Variants in ULK1 observed in about 807,000 individuals in gnomAD.
The protein encoded by ULK1 is unc-51 like autophagy activating kinase 1, also known as serine/threonine-protein kinase ULK1.
In ULK1, 48 loss-of-function variants were observed where a neutral mutation model predicts 117.5. The ratio of observed to expected loss-of-function variants is 0.41; its 90% CI spans 0.32 to 0.52. The LOEUF (loss-of-function observed/expected upper bound fraction) is 0.52, where lower values mean the gene tolerates loss of function less well. Among genes scored for constraint, ULK1 ranks in the 20% least tolerant of loss-of-function variants. The probability of loss-of-function intolerance (pLI) is 0.29; values close to 1 mark genes in which losing one functional copy is unlikely to be tolerated. For missense variants in ULK1, 1,387 were observed against 1,473.4 expected (o/e 0.94, Z 0.96); for synonymous variants, 790 against 637.8 (o/e 1.24, Z -3.60).
At chr12:131,918,460 T>A in intron 22 of ULK1, 37 bp from the exon 23 acceptor site, 1 of 1,589,092 alleles carries the variant, frequency 6.3e-7, no homozygotes, top group East Asian at 2.3e-5. Context: ...CGGTGTCTGC[T>A]GGTCCTGGTG....
rs1275463157 is a variant in ULK1, at chr12:131,909,880, C to T, written c.726-39C>T. 3.7e-6 allele frequency: 6 copies of T among 1,609,464 alleles called. No homozygotes were observed. In the South Asian group the frequency reaches 5.5e-5, roughly 15 times the overall value. ...CTTCCCTTCCCCCGCGGGCTCCGGCCCCGCAGGCCCTGCTCACACCAGCCT... is the reference window on the plus strand; with the variant it reads ...CTTCCCTTCCCCCGCGGGCTCCGGCTCCGCAGGCCCTGCTCACACCAGCCT... On this transcript the variant is annotated intron_variant, in intron 9 of 27. Coordinates refer to ENST00000321867, the MANE Select transcript of ULK1 (RefSeq NM_003565.4).
At chr12:131,897,238 C>T (rs967223339) in intron 3 of ULK1, 2 of 152,180 alleles carry the variant, frequency 1.3e-5, no homozygotes, top group African/African-American at 2.4e-5. Context: ...TGCCCTGTGT[C>T]GGTAAGGCAA....
chr12:131,894,992 C>T lies in ULK1; in HGVS notation c.-10C>T, dbSNP rs1184298035. Reference sequence around the variant, plus strand: ...CACCCCCCGCCCCGCGCCCCCGGCCCGCCTGCGCCATGGAGCCCGGCCGCG... The same window carrying T: ...CACCCCCCGCCCCGCGCCCCCGGCCTGCCTGCGCCATGGAGCCCGGCCGCG... On this transcript the variant is annotated 5_prime_UTR_variant, in exon 1 of 28. Coordinates refer to ENST00000321867, the MANE Select transcript of ULK1 (RefSeq NM_003565.4). 3.5e-6 allele frequency: 5 copies of T among 1,443,078 alleles called. No homozygotes were observed. The highest frequency in any genetic ancestry group is 2.0e-4 in the Middle Eastern group (1 of 5,062). The allele number at this position is 1,443,078 out of a possible 1,614,324, so 89.4% of individuals were successfully genotyped here.
In ULK1 at chr12:131,919,604, C is replaced by G. The variant is rs1167138409; in HGVS notation, c.2803+14C>G. 1.2e-6 allele frequency: 2 copies of G among 1,608,684 alleles called. No individual in the cohort carries two copies. Among genetic ancestry groups the G allele is most frequent in the Admixed American group, 1.7e-5 (1 of 59,928 alleles). On this transcript the variant is annotated intron_variant, in intron 25 of 27. Transcript: ENST00000321867. ...CTGTGAAGCAGGGTGAGGGCTGCGA[C>G]CGCTCAGCCCACATGCCGGGTTGGG...
intron 3 of ULK1, chr12:131,897,753 GAA>G (rs62937360): frequency 0.094 from 14,316 of 151,824 alleles, 845 homozygotes; most frequent in Admixed American, 0.14. Context: ...GAAAAAAAAA[GAA>G]AAAAAATTAG....
rs530840434 is a variant in ULK1 at position 131,907,600 on chromosome 12, G to T, written c.316+69G>T. On this transcript the variant is annotated intron_variant, in intron 5 of 27. Coordinates refer to ENST00000321867, the MANE Select transcript of ULK1 (RefSeq NM_003565.4). ...AGGGCCCGCACCCAGGGCCACACTG[G>T]CCCAGTCTGGGAGGCAGCCTGGCTC... The T allele has an allele frequency of 5.0e-5, 77 of 1,553,492 alleles. No individual in the cohort carries two copies. In the African/African-American group the frequency reaches 1.0e-3, roughly 21 times the overall value.
chr12:131,894,671 C>G lies in ULK1; in HGVS notation c.-331C>G, dbSNP rs1199203179. The G allele has an allele frequency of 6.6e-6, 1 of 151,710 alleles. No homozygotes were observed. 9.4% of individuals were successfully genotyped at this position (151,710 alleles called of 1,614,324 possible). ...GCTCTGAGGCCCGGGCGCCGCGGCT[C>G]TTTTGTTTCTCCGTTGGGGCCGAGC... On this transcript the variant is annotated 5_prime_UTR_variant, in exon 1 of 28. Coordinates refer to ENST00000321867, the MANE Select transcript of ULK1 (RefSeq NM_003565.4).
At chr12:131,910,419 A>G (rs1889482048) in intron 11 of ULK1, 115 bp downstream of exon 11, 1 of 1,497,844 alleles carries the variant, frequency 6.7e-7, no homozygotes, top group Admixed American at 1.7e-5. Context: ...AGCTGCGGCC[A>G]GCTCCCAGGG....
chr12:131,907,659 T>G, intron 5 of ULK1, 128 bp downstream of exon 5: 2 of 1,204,152 alleles, frequency 1.7e-6, no homozygotes, highest in Non-Finnish European at 2.3e-6. Context: ...AGATTGGCTC[T>G]TTCTTGTCCC....
At chr12:131,910,228 G>A (rs766882894) in intron 10 of ULK1, 26 bp from the exon 11 acceptor site, 1 of 1,613,422 alleles carries the variant, frequency 6.2e-7, no homozygotes, top group East Asian at 2.2e-5. Context: ...GTCCTCCTGA[G>A]GCCTCACTCC....
Position 131,912,119 on chromosome 12 carries a change from C to T in ULK1, c.1096+30C>T, listed in dbSNP as rs753368592. Reference sequence around the variant, plus strand: ...GGGGGCACGCTGGGCTTGGAGGTGACGCCTCAGGTGCGGCGGGGACAGTGC... The same window carrying T: ...GGGGGCACGCTGGGCTTGGAGGTGATGCCTCAGGTGCGGCGGGGACAGTGC... On this transcript the variant is annotated intron_variant, in intron 13 of 27. Transcript: ENST00000321867. 6.9e-6 allele frequency: 11 copies of T among 1,601,836 alleles called. No homozygotes were observed. The East Asian group carries it at 9.0e-5, about 13-fold the overall frequency.
intron 23 of ULK1, 22 bp downstream of exon 23, chr12:131,918,703 G>T: frequency 6.4e-7 from 1 of 1,564,990 alleles, no homozygotes; most frequent in Non-Finnish European, 8.7e-7. Context: ...AGTGAGCAAA[G>T]GTTCCCATTC....
chr12:131,918,750 T>TGTGGGGTGTCGGGG (rs1889982574), intron 23 of ULK1, 69 bp downstream of exon 23: 1 of 1,364,284 alleles, frequency 7.3e-7, no homozygotes, highest in East Asian at 2.8e-5. Context: ...GGGTGTCGGG[T>TGTGGGGTGTCGGGG]GTGTGGGGTA....
chr12:131,914,592 C>T (rs556238095), intron 16 of ULK1, 115 bp downstream of exon 16: 63 of 1,367,726 alleles, frequency 4.6e-5, no homozygotes, highest in Middle Eastern at 2.5e-4. Flanking sequence ...GTGCAGGCTG[C>T]GCACTGCGTA....
chr12:131,909,170 G>T lies in ULK1; in HGVS notation c.599G>T (p.Gly200Val), dbSNP rs1889409740. Residue 200 changes from glycine (G) to valine (V), a missense_variant, in exon 8 of 28, where the codon GGG becomes GTG. By Grantham distance (109) the Gly-to-Val change is moderately radical. Around this residue, in one of 4 missense-constraint regions of ULK1, gnomAD observed 224 missense variants for 325.2 expected, o/e 0.69. Coordinates refer to ENST00000321867, the MANE Select transcript of ULK1 (RefSeq NM_003565.4). ...GTCATCATGTCCCAGCACTACGACG[G>T]GAAGGCGGACCTGTGGAGCATCGGC... Reference protein sequence around the residue: ...PEVIMSQHYDGKADLWSIGTI... With the variant: ...PEVIMSQHYDVKADLWSIGTI... The T allele has an allele frequency of 6.2e-7, 1 of 1,610,064 alleles. No individual in the cohort carries two copies. Among genetic ancestry groups the T allele is most frequent in the Admixed American group, 1.7e-5 (1 of 59,712 alleles).
intron 9 of ULK1, 21 bp from the exon 10 acceptor site, chr12:131,909,898 A>G (rs1392344644): frequency 1.9e-6 from 3 of 1,611,020 alleles, no homozygotes; most frequent in Non-Finnish European, 2.5e-6. Context: ...CCCTGCTCAC[A>G]CCAGCCTCCT....
intron 13 of ULK1, 150 bp from the exon 14 acceptor site, chr12:131,913,048 C>G (rs536468665): frequency 3.0e-6 from 2 of 663,014 alleles, no homozygotes; most frequent in East Asian, 6.8e-5. Flanking sequence ...GACTGTACCA[C>G]CCAGGCTCTG....
At chr12:131,908,367 A>G (rs1404572653) in intron 5 of ULK1, among the ~76,000 whole-genome samples, 6 of 152,104 alleles carry the variant, frequency 3.9e-5, no homozygotes, top group Admixed American at 3.3e-4. Context: ...CCGCGGTGGC[A>G]CTGAGGCTGG....
In ULK1 at chr12:131,919,240, T is replaced by C; in HGVS notation, c.2540T>C (p.Leu847Pro). 1.3e-6 allele frequency: 2 copies of C among 1,597,172 alleles called. No homozygotes were observed. The highest frequency in any genetic ancestry group is 8.5e-7 in the Non-Finnish European group (1 of 1,177,484). Residue 847 changes from leucine (L) to proline (P), a missense_variant, in exon 24 of 28, where the codon CTG becomes CCG. By Grantham distance (98) the Leu-to-Pro change is moderately conservative (BLOSUM62 -3). Coordinates refer to ENST00000321867, the MANE Select transcript of ULK1 (RefSeq NM_003565.4). ...GAGCACACGGAGATCCTGCGTGGCC[T>C]GCGCTTCACGCTGCTGTTCGTGCAG... ...EQEHTEILRG[L>P]RFTLLFVQHV...
Sources: allele counts gnomAD v4.1 joint callset (sites outside exome capture counted in the v4.1 genomes callset), GRCh38; gene constraint gnomAD v4.1.1; regional missense constraint gnomAD v4.1.1; transcripts MANE v1.5; gene names NCBI Gene and HGNC (gene_info 2026-07-23, HGNC 2026-07-21).